The following CALD1 variants were observed in gnomAD, a reference collection of about 807,000 sequenced individuals.
CALD1 encodes caldesmon 1.
Under a neutral mutation model 99.9 loss-of-function variants are expected in CALD1, and 33 were observed. That is an observed-to-expected ratio of 0.33 (90% confidence interval 0.25 to 0.44). CALD1 has a LOEUF of 0.44. CALD1 is among the 20% of genes least tolerant of loss of function. The pLI, the probability that CALD1 is intolerant of heterozygous loss-of-function variation, is 1.00. For missense variants in CALD1, 861 were observed against 962.1 expected, an observed-to-expected ratio of 0.89 and a Z score of 1.39; for synonymous variants, 310 against 325.0, an observed-to-expected ratio of 0.95 and a Z score of 0.50.
intron 3 of CALD1, among the ~76,000 whole-genome samples, chr7:134,888,966 G>A (rs1457805585): frequency 6.8e-6 from 1 of 146,884 alleles, no homozygotes; most frequent in Non-Finnish European, 1.5e-5. Flanking sequence ...ATACTGGCCA[G>A]AAAGAACCAC....
intron 3 of CALD1, among the ~76,000 whole-genome samples, chr7:134,887,930 G>T (rs927622693): frequency 2.0e-5 from 3 of 152,184 alleles, no homozygotes; most frequent in Non-Finnish European, 4.4e-5. Flanking sequence ...CATATGCACA[G>T]CACTTCCCAC....
At chr7:134,807,949 G>A (rs1174222919) in intron 1 of CALD1, among the ~76,000 whole-genome samples, 1 of 152,046 alleles carries the variant, frequency 6.6e-6, no homozygotes, top group East Asian at 1.9e-4. Flanking sequence ...ATTTTTAGAT[G>A]TAGGCACCAT....
intron 1 of CALD1, among the ~76,000 whole-genome samples, chr7:134,785,644 T>C (rs1403535450): frequency 1.3e-5 from 2 of 152,198 alleles, no homozygotes; most frequent in Non-Finnish European, 2.9e-5. Context: ...ATTTGGGAAC[T>C]TGTGCTCTGT....
intron 1 of CALD1, among the ~76,000 whole-genome samples, chr7:134,824,628 T>C (rs1448237601): frequency 2.6e-5 from 4 of 152,172 alleles, no homozygotes; most frequent in African/African-American, 9.6e-5. Context: ...TTCTTTTCTA[T>C]AAATGGAGAG....
chr7:134,839,562 T>C (rs1030738981), intron 1 of CALD1, among the ~76,000 whole-genome samples: 8 of 152,260 alleles, frequency 5.3e-5, no homozygotes, highest in African/African-American at 1.9e-4. Context: ...CACCACCATT[T>C]TGATTTATGT....
chr7:134,949,274 G>C (rs899973802), intron 8 of CALD1, among the ~76,000 whole-genome samples: 1 of 152,128 alleles, frequency 6.6e-6, no homozygotes, highest in Non-Finnish European at 1.5e-5. Context: ...CCAAACACAG[G>C]ATCCTTCTGT....
intron 1 of CALD1, among the ~76,000 whole-genome samples, chr7:134,828,711 T>C (rs1468674659): frequency 6.6e-6 from 1 of 152,220 alleles, no homozygotes. Context: ...ATTCAACTAT[T>C]ACCAAAAAAG....
the CALD1 span, among the ~76,000 whole-genome samples, chr7:134,739,249 C>T: frequency 7.9e-5 from 12 of 152,248 alleles, no homozygotes; most frequent in South Asian, 1.7e-3. Context: ...GATTTAGCAA[C>T]GGACAAAATG....
intron 3 of CALD1, among the ~76,000 whole-genome samples, chr7:134,879,691 G>A (rs894605468): frequency 6.6e-6 from 1 of 152,146 alleles, no homozygotes; most frequent in Non-Finnish European, 1.5e-5. Context: ...TTGCCAGCAT[G>A]ATGGAAGTTA....
intron 1 of CALD1, among the ~76,000 whole-genome samples, chr7:134,823,739 G>A (rs1586034534): frequency 2.0e-5 from 3 of 152,246 alleles, no homozygotes; most frequent in African/African-American, 4.8e-5. Context: ...AGCCTTTGAT[G>A]TCTGACTTTG....
At chr7:134,923,212 T>A (rs1277374443) in intron 3 of CALD1, among the ~76,000 whole-genome samples, 1 of 152,182 alleles carries the variant, frequency 6.6e-6, no homozygotes, top group African/African-American at 2.4e-5. Flanking sequence ...CTAAAAGCAG[T>A]TACCAAGTAA....
intron 2 of CALD1, among the ~76,000 whole-genome samples, chr7:134,848,329 T>C (rs1268272972): frequency 6.6e-6 from 1 of 152,182 alleles, no homozygotes; most frequent in African/African-American, 2.4e-5. Flanking sequence ...AACACCAGCC[T>C]CTAAGAGCTA....
rs141179317 is a variant in CALD1, at chr7:134,947,660, C to T, written c.1685C>T (p.Ala562Val). ...CTCAAACAGAAGCAGCAGGAGGCGG[C>T]TTTGGAGCTGGAGGAACTCAAGAAA... is the stretch of plus-strand genomic sequence containing the variant. ...EKLKQKQQEA[A>V]LELEELKKKR... Residue 562 changes from alanine to valine, a missense_variant, in exon 8 of 15, where the codon GCT becomes GTT. Physicochemically the swap from Ala to Val is moderately conservative, Grantham distance 64. Around this residue, in one of 5 missense-constraint regions of CALD1, gnomAD observed 293 missense variants for 262.7 expected, o/e 1.12. Transcript: ENST00000361675. 1,301 of 1,588,748 alleles carry T rather than the reference C, an allele frequency of 8.2e-4. 2 individuals are homozygous for T. The highest frequency in any genetic ancestry group is 1.0e-3 in the Non-Finnish European group (1,205 of 1,166,772).
intron 2 of CALD1, among the ~76,000 whole-genome samples, chr7:134,860,279 A>G (rs1800506396): frequency 6.6e-6 from 1 of 152,220 alleles, no homozygotes; most frequent in African/African-American, 2.4e-5. Context: ...TTGGTTTTTC[A>G]ATCCCAAATG....
the CALD1 span, among the ~76,000 whole-genome samples, chr7:134,715,145 A>G: frequency 8.3e-4 from 127 of 152,200 alleles, no homozygotes; most frequent in Non-Finnish European, 1.6e-3. Flanking sequence ...TATATACTTC[A>G]ACTCTTTAGA....
At chr7:134,843,050 G>A (rs546454243) in intron 1 of CALD1, among the ~76,000 whole-genome samples, 120 of 152,290 alleles carry the variant, frequency 7.9e-4, no homozygotes, top group Non-Finnish European at 2.9e-4. Flanking sequence ...ATGGGGACTC[G>A]GGGAGGAAGA....
chr7:134,729,841 TGTAACA>T, the CALD1 span, among the ~76,000 whole-genome samples: 5 of 152,190 alleles, frequency 3.3e-5, no homozygotes, highest in Non-Finnish European at 4.4e-5. Context: ...TAGCAACATG[TGTAACA>T]GTGAGAAAAG....
At chr7:134,902,435 A>T (rs1803068607) in intron 3 of CALD1, among the ~76,000 whole-genome samples, 1 of 152,100 alleles carries the variant, frequency 6.6e-6, no homozygotes, top group African/African-American at 2.4e-5. Flanking sequence ...GGGAAGTATC[A>T]TGAGTCTGTT....
chr7:134,758,273 A>G (rs545694149), intron 1 of CALD1, among the ~76,000 whole-genome samples: 1 of 152,342 alleles, frequency 6.6e-6, no homozygotes, highest in South Asian at 2.1e-4. Flanking sequence ...TTCTTGTTGA[A>G]CCATCTCATT....
Sources: allele counts gnomAD v4.1 joint callset (sites outside exome capture counted in the v4.1 genomes callset), GRCh38; gene constraint gnomAD v4.1.1; regional missense constraint gnomAD v4.1.1; transcripts MANE v1.5; gene names NCBI Gene and HGNC (gene_info 2026-07-23, HGNC 2026-07-21).